Variants in VWA8 observed in about 807,000 individuals in gnomAD.
VWA8 encodes von Willebrand factor A domain containing 8.
Under a neutral mutation model 241.5 loss-of-function variants are expected in VWA8, and 221 were observed. The observed-to-expected ratio is 0.91, with a 90% confidence interval of 0.82 to 1.02. The LOEUF is 1.02. Among genes scored for constraint, VWA8 ranks in the 50% least tolerant of loss-of-function variants. VWA8 has a pLI of 0.00. For synonymous variants in VWA8, 852 were observed against 827.1 expected, an observed-to-expected ratio of 1.03 and a Z score of -0.52; for missense variants, 2,322 against 2,328.7, an observed-to-expected ratio of 1.00 and a Z score of 0.06.
intron 3 of VWA8, among the ~76,000 whole-genome samples, chr13:41,909,054 A>T (rs1010222978): frequency 2.0e-4 from 29 of 143,358 alleles, no homozygotes; most frequent in African/African-American, 5.1e-4. Context: ...GAGGAAAAAA[A>T]TTTTTTTTTT....
chr13:41,590,893 A>C (rs1247769226), intron 40 of VWA8, 128 bp from the exon 41 acceptor site: 1 of 1,188,810 alleles, frequency 8.4e-7, no homozygotes, highest in Non-Finnish European at 1.2e-6. Context: ...GCATGAACAC[A>C]GTCATATAAA....
chr13:41,691,594 C>G, intron 31 of VWA8, 149 bp from the exon 32 acceptor site: 1 of 1,171,654 alleles, frequency 8.5e-7, no homozygotes, highest in Non-Finnish European at 1.2e-6. Flanking sequence ...ATTAAAAAAA[C>G]AGATATGCAA....
intron 12 of VWA8, among the ~76,000 whole-genome samples, chr13:41,856,838 T>TAAAAAAA: frequency 7.5e-6 from 1 of 132,478 alleles, no homozygotes. Flanking sequence ...AAATGAAAAT[T>TAAAAAAA]AAAAAAAAAA....
At chr13:41,887,512 T>G (rs1456864094) in intron 5 of VWA8, 151 bp from the exon 6 acceptor site, 1 of 848,706 alleles carries the variant, frequency 1.2e-6, no homozygotes. Context: ...GGCAGCAAAG[T>G]GAAATCAGGT....
chr13:41,690,426 T>C (rs1239183792), intron 32 of VWA8, 151 bp from the exon 33 acceptor site: 1 of 631,118 alleles, frequency 1.6e-6, no homozygotes, highest in Non-Finnish European at 2.6e-6. Context: ...AATTAACAAA[T>C]AACTTCTCAA....
intron 12 of VWA8, among the ~76,000 whole-genome samples, chr13:41,860,655 T>A (rs138901112): frequency 2.8e-4 from 42 of 152,312 alleles, no homozygotes. Flanking sequence ...TCTAGAAATA[T>A]AGGAGAAAAT....
At chr13:41,765,023 A>AG (rs1236690223) in intron 20 of VWA8, among the ~76,000 whole-genome samples, 1 of 152,086 alleles carries the variant, frequency 6.6e-6, no homozygotes, top group Admixed American at 6.6e-5. Context: ...GAGAGAAATG[A>AG]ATATATTTAA....
At chr13:41,752,219 C>T (rs139738240) in intron 21 of VWA8, among the ~76,000 whole-genome samples, 119 of 152,246 alleles carry the variant, frequency 7.8e-4, no homozygotes, top group African/African-American at 2.6e-3. Context: ...TTTCAATAAC[C>T]ATAATGCTGC....
At chr13:41,951,584 C>CT (rs1878141463) in intron 1 of VWA8, among the ~76,000 whole-genome samples, 2 of 152,298 alleles carry the variant, frequency 1.3e-5, no homozygotes, top group East Asian at 3.9e-4. Context: ...TGTGCTCTCT[C>CT]TAACAGCAAA....
chr13:41,666,198 G>A (rs1317332991), intron 37 of VWA8, among the ~76,000 whole-genome samples: 2 of 152,090 alleles, frequency 1.3e-5, no homozygotes, highest in Admixed American at 6.6e-5. Context: ...CCATATGCAT[G>A]AACCCAGGAG....
intron 4 of VWA8, among the ~76,000 whole-genome samples, chr13:41,894,220 C>A (rs968156813): frequency 1.3e-5 from 2 of 152,346 alleles, no homozygotes; most frequent in East Asian, 3.9e-4. Context: ...AACACTGCAG[C>A]TCCACTTTCA....
At chr13:41,773,286 TTTGA>T (rs1233260772) in intron 20 of VWA8, among the ~76,000 whole-genome samples, 7 of 152,198 alleles carry the variant, frequency 4.6e-5, no homozygotes, top group African/African-American at 1.7e-4. Context: ...CTTGATCTTC[TTTGA>T]TTGTCTTGTT....
intron 26 of VWA8, among the ~76,000 whole-genome samples, chr13:41,714,341 T>C (rs1297099748): frequency 6.6e-6 from 1 of 151,908 alleles, no homozygotes; most frequent in African/African-American, 2.4e-5. Flanking sequence ...ATCAAGTAAG[T>C]AGCATTAAAA....
At chr13:41,795,476 G>C (rs977156352) in intron 17 of VWA8, among the ~76,000 whole-genome samples, 2 of 152,068 alleles carry the variant, frequency 1.3e-5, no homozygotes, top group African/African-American at 2.4e-5. Context: ...AAATCATTCT[G>C]TTATAAAGTT....
chr13:41,742,697 G>C (rs2045577745), intron 21 of VWA8, among the ~76,000 whole-genome samples: 1 of 152,134 alleles, frequency 6.6e-6, no homozygotes, highest in Non-Finnish European at 1.5e-5. Context: ...GTGATTTAAA[G>C]GTCTCCTCCT....
intron 4 of VWA8, among the ~76,000 whole-genome samples, chr13:41,898,980 A>G (rs1222713902): frequency 6.6e-6 from 1 of 152,224 alleles, no homozygotes; most frequent in Non-Finnish European, 1.5e-5. Flanking sequence ...CCTCCCTGCA[A>G]GCTGAGGGAG....
intron 26 of VWA8, among the ~76,000 whole-genome samples, chr13:41,705,387 A>G (rs2045276693): frequency 6.6e-6 from 1 of 152,216 alleles, no homozygotes; most frequent in Non-Finnish European, 1.5e-5. Context: ...TTTCTGTGTT[A>G]ATAGGCCAGA....
chr13:41,668,623 A>C (rs1287879100), intron 37 of VWA8, among the ~76,000 whole-genome samples: 4 of 152,178 alleles, frequency 2.6e-5, no homozygotes, highest in African/African-American at 9.7e-5. Flanking sequence ...TGGTTGTATA[A>C]ACCACTTGTA....
chr13:41,883,523 CA>C (rs1349957802), intron 8 of VWA8, 32 bp from the exon 9 acceptor site: 1 of 1,472,692 alleles, frequency 6.8e-7, no homozygotes, highest in Non-Finnish European at 9.5e-7. Flanking sequence ...TAGGAATGAG[CA>C]AAATTCAAAA....
Sources: allele counts gnomAD v4.1 joint callset (sites outside exome capture counted in the v4.1 genomes callset), GRCh38; gene constraint gnomAD v4.1.1; transcripts MANE v1.5; gene names NCBI Gene and HGNC (gene_info 2026-07-23, HGNC 2026-07-21).